The following FYB2 variants were observed in gnomAD, a reference collection of about 807,000 sequenced individuals.
The protein encoded by FYB2 is FYN binding protein 2.
FYB2 carries 103 observed loss-of-function variants against 94.1 expected under a neutral mutation model. The ratio of observed to expected loss-of-function variants is 1.09; its 90% CI spans 0.93 to 1.29. FYB2 has a LOEUF of 1.29. FYB2 is among the 50% of genes most tolerant of loss of function. The probability of loss-of-function intolerance (pLI) is 0.00; values close to 1 mark genes in which losing one functional copy is unlikely to be tolerated. For synonymous variants in FYB2, 293 were observed against 287.9 expected (o/e 1.02, Z -0.18); for missense variants, 896 against 841.5 (o/e 1.06, Z -0.80).
chr1:56,738,743 T>A, intron 13 of FYB2, 90 bp from the exon 14 acceptor site: 4 of 1,376,052 alleles, frequency 2.9e-6, no homozygotes, highest in East Asian at 2.3e-5. Context: ...ATATTGATGA[T>A]GCTGGATTGC....
At chr1:56,757,281 A>G (rs1285474082) in intron 6 of FYB2, among the ~76,000 whole-genome samples, 4 of 152,144 alleles carry the variant, frequency 2.6e-5, no homozygotes, top group African/African-American at 9.7e-5. Context: ...CCATTAATAG[A>G]AATAATAATC....
chr1:56,730,078 T>G (rs150119686), intron 15 of FYB2, among the ~76,000 whole-genome samples: 2 of 151,030 alleles, frequency 1.3e-5, no homozygotes, highest in African/African-American at 4.9e-5. Flanking sequence ...CATCAAAAAC[T>G]AGAAAGATTT....
chr1:56,777,792 C>T (rs1645916471), intron 4 of FYB2, among the ~76,000 whole-genome samples: 1 of 152,020 alleles, frequency 6.6e-6, no homozygotes, highest in Non-Finnish European at 1.5e-5. Context: ...CACCAACATC[C>T]TCTGTGCAAA....
chr1:56,751,481 A>T (rs12141330), intron 8 of FYB2, among the ~76,000 whole-genome samples: 1 of 152,112 alleles, frequency 6.6e-6, no homozygotes, highest in East Asian at 1.9e-4. Context: ...TTTATATTCC[A>T]TATAACTTAA....
At chr1:56,725,918 G>T (rs1416327021) in intron 16 of FYB2, among the ~76,000 whole-genome samples, 1 of 152,048 alleles carries the variant, frequency 6.6e-6, no homozygotes, top group East Asian at 1.9e-4. Context: ...CCTAGCAATT[G>T]AGAAGATGGG....
At chr1:56,779,469 G>A (rs1011098694) in intron 4 of FYB2, among the ~76,000 whole-genome samples, 4 of 152,126 alleles carry the variant, frequency 2.6e-5, no homozygotes, top group African/African-American at 2.4e-5. Flanking sequence ...CATGGCAGTA[G>A]CCCTTACCTA....
In FYB2 at chr1:56,720,320, C is replaced by G. The variant is rs775319980; in HGVS notation, c.1984G>C (p.Glu662Gln). ...ACTGCTGTATTGATGACAATAATCT[C>G]TTTGTCGTACTGAAATGAGAAATTA... ...LFRERFKYDKEIIVINTAVAC... is the reference protein window; with the variant it reads ...LFRERFKYDKQIIVINTAVAC... The change falls in exon 18 of 20, where the codon GAG (glutamate) becomes CAG (glutamine). Residue 662 changes from glutamate to glutamine, a missense_variant. Glu to Gln is a conservative substitution (Grantham distance 29). Transcript: ENST00000343433. 1.9e-6 allele frequency: 3 copies of G among 1,597,738 alleles called. No homozygotes were observed. The highest frequency in any genetic ancestry group is 2.3e-5 in the South Asian group (2 of 87,122).
intron 4 of FYB2, among the ~76,000 whole-genome samples, chr1:56,771,889 G>T (rs1440745729): frequency 6.6e-6 from 1 of 151,472 alleles, no homozygotes; most frequent in East Asian, 1.9e-4. Flanking sequence ...TTTTCTCTCC[G>T]TTGACTATTT....
chr1:56,779,378 T>A lies in FYB2; in HGVS notation c.953+7797A>T, dbSNP rs148050208. Among the ~76,000 whole-genome samples the A allele has an allele frequency of 4.9e-3, 740 of 152,158 alleles. 7 individuals carry two copies. The highest frequency in any genetic ancestry group is 0.022 in the South Asian group (104 of 4,802). On this transcript the variant is annotated intron_variant, in intron 4 of 19. Coordinates refer to ENST00000343433, the MANE Select transcript of FYB2 (RefSeq NM_001004303.5). Reference sequence around the variant, plus strand: ...GGGCTAATAAATCAGAACAAGCTTCTTGGTAGGGTGTCACTTGGAGCTGAA... The same window carrying A: ...GGGCTAATAAATCAGAACAAGCTTCATGGTAGGGTGTCACTTGGAGCTGAA...
intron 4 of FYB2, among the ~76,000 whole-genome samples, chr1:56,783,339 C>T (rs1025290203): frequency 6.6e-6 from 1 of 152,098 alleles, no homozygotes; most frequent in Non-Finnish European, 1.5e-5. Context: ...TTAGAACCTG[C>T]ACTTGTTCCT....
Position 56,719,674 on chromosome 1 carries a change from AG to A in FYB2, c.2183del (p.Pro728LeufsTer21). ...HLDFKHQSWSP is the reference protein window; with the variant it reads ...HLDFKHQSWSX ...ATAGCATTTGATCTTGATTTTTCTA[AG>A]GTGACCAACTTTGATGCCTGTGAAA... On this transcript the variant is annotated frameshift_variant, in exon 20 of 20. Coordinates refer to ENST00000343433, the MANE Select transcript of FYB2 (RefSeq NM_001004303.5). LOFTEE classifies it high-confidence loss of function. The A allele has an allele frequency of 6.3e-7, 1 of 1,597,684 alleles. No homozygotes were observed. The highest frequency in any genetic ancestry group is 1.1e-5 in the South Asian group (1 of 90,008).
chr1:56,765,419 C>A (rs1158380226), intron 5 of FYB2, among the ~76,000 whole-genome samples: 2 of 152,198 alleles, frequency 1.3e-5, no homozygotes, highest in Non-Finnish European at 2.9e-5. Context: ...GAAATCCCAG[C>A]TCCCTACTTG....
At chr1:56,756,711 C>A (rs1645341109) in intron 6 of FYB2, among the ~76,000 whole-genome samples, 1 of 152,080 alleles carries the variant, frequency 6.6e-6, no homozygotes, top group Non-Finnish European at 1.5e-5. Context: ...GGTTACTAAA[C>A]CTCTCTGAAC....
intron 9 of FYB2, among the ~76,000 whole-genome samples, chr1:56,746,491 C>T (rs1375841088): frequency 6.6e-6 from 1 of 152,000 alleles, no homozygotes; most frequent in East Asian, 1.9e-4. Flanking sequence ...AGAGTGACCA[C>T]TGTCCTGACT....
At chr1:56,749,599 A>C (rs1363268599) in intron 9 of FYB2, among the ~76,000 whole-genome samples, 2 of 152,042 alleles carry the variant, frequency 1.3e-5, no homozygotes, top group African/African-American at 4.8e-5. Context: ...AAAACATATT[A>C]AACATCTTAT....
upstream of FYB2, chr1:56,819,615 G>C (rs1466209949): frequency 2.0e-6 from 1 of 505,690 alleles, no homozygotes; most frequent in Non-Finnish European, 3.6e-6. Flanking sequence ...CGGCTGGTCT[G>C]ACAGTCACTC....
At chr1:56,791,338 C>A (rs1459509037) in intron 2 of FYB2, among the ~76,000 whole-genome samples, 1 of 151,604 alleles carries the variant, frequency 6.6e-6, no homozygotes, top group Admixed American at 6.6e-5. Context: ...TCACTACAAC[C>A]TCTGCCTCCC....
At chr1:56,779,186 G>A (rs1359845975) in intron 4 of FYB2, among the ~76,000 whole-genome samples, 1 of 152,070 alleles carries the variant, frequency 6.6e-6, no homozygotes, top group Non-Finnish European at 1.5e-5. Flanking sequence ...GTATAAAGAA[G>A]TATAAGGAAG....
chr1:56,730,130 G>A (rs1188358018), intron 15 of FYB2, among the ~76,000 whole-genome samples: 1 of 146,062 alleles, frequency 6.8e-6, no homozygotes, highest in African/African-American at 2.8e-5. Flanking sequence ...ATTAGAAAAG[G>A]AAGAACAAAC....
Sources: allele counts gnomAD v4.1 joint callset (sites outside exome capture counted in the v4.1 genomes callset), GRCh38; gene constraint gnomAD v4.1.1; transcripts MANE v1.5; gene names NCBI Gene and HGNC (gene_info 2026-07-23, HGNC 2026-07-21).